The following PLP1 variants were observed in gnomAD, a reference collection of about 807,000 sequenced individuals.
PLP1 encodes proteolipid protein 1, also known as myelin proteolipid protein.
A neutral mutation model predicts 18.5 loss-of-function variants in PLP1; 2 were observed. The observed-to-expected ratio is 0.11, with a 90% CI of 0.04 to 0.34. PLP1 has a LOEUF of 0.34. Ranked by LOEUF, PLP1 falls within the 10% of genes least tolerant of loss-of-function variation. The pLI is 1.00. For synonymous variants in PLP1, 86 were observed against 83.2 expected, an observed-to-expected ratio of 1.03 and a Z score of -0.19; for missense variants, 105 against 207.3, an observed-to-expected ratio of 0.51 and a Z score of 3.03.
In PLP1 at chrX:103,789,321, A is replaced by G. The variant is rs750791586; in HGVS notation, c.697-12A>G. ...TGCAAGAAACAGTTCTTCCTCTTTC[A>G]TTTTCCTGCAGTTCCAAATGACCTT... On this transcript the variant is annotated splice_polypyrimidine_tract_variant and intron_variant, in intron 5 of 6. Coordinates refer to ENST00000621218, the MANE Select transcript of PLP1 (RefSeq NM_000533.5). The G allele has an allele frequency of 3.4e-6, 4 of 1,189,650 alleles. No individual in the cohort carries two copies. Among genetic ancestry groups the G allele is most frequent in the Non-Finnish European group, 4.6e-6 (4 of 875,255 alleles).
intron 1 of PLP1, among the ~76,000 whole-genome samples, chrX:103,782,022 T>C (rs2074458022): frequency 8.9e-6 from 1 of 112,298 alleles, no homozygotes; most frequent in Non-Finnish European, 1.9e-5. Context: ...GGGAGCCCAA[T>C]GGATCTTTTC....
intron 3 of PLP1, 162 bp from the exon 4 acceptor site, chrX:103,787,636 A>G (rs2147765675): frequency 3.9e-6 from 2 of 514,554 alleles, no homozygotes; most frequent in Non-Finnish European, 6.9e-6. Flanking sequence ...GATACTGCCA[A>G]TTACCCTTGG....
chrX:103,788,055 AT>A, intron 4 of PLP1, 89 bp downstream of exon 4: 1 of 719,424 alleles, frequency 1.4e-6, no homozygotes, highest in Non-Finnish European at 2.2e-6. Flanking sequence ...GAGGGTGGTG[AT>A]TATGAGAAAA....
chrX:103,782,675 C>T (rs969845934), intron 1 of PLP1, among the ~76,000 whole-genome samples: 6 of 112,341 alleles, frequency 5.3e-5, no homozygotes, highest in Non-Finnish European at 9.4e-5. Context: ...TTAGCCCTTC[C>T]CAGATGAAAA....
In PLP1 at chrX:103,789,203, CTTAG is replaced by C. The variant is rs754488693; in HGVS notation, c.697-125_697-122del. On this transcript the variant is annotated intron_variant, in intron 5 of 6. Coordinates refer to ENST00000621218, the MANE Select transcript of PLP1 (RefSeq NM_000533.5). ...AGGCCCACATTTAGGGAAGTGAAAA[CTTAG>C]TTAGAGATGTGGAATTAGCACACAA... The C allele has an allele frequency of 2.8e-5, 16 of 577,900 alleles. No individual in the cohort carries two copies. In the African/African-American group the frequency reaches 3.1e-4, roughly 11 times the overall value. The allele number at this position is 577,900 out of a possible 1,213,427, so 47.6% of individuals were successfully genotyped here. A position where few individuals can be genotyped will look rare whatever the true frequency, so the allele number is the denominator to read the frequency against.
chrX:103,782,960 C>T (rs748061143), intron 1 of PLP1, among the ~76,000 whole-genome samples: 29 of 112,269 alleles, frequency 2.6e-4, no homozygotes, highest in African/African-American at 9.1e-4. Flanking sequence ...TCTTCTCCCC[C>T]CATCCCCAGG....
chrX:103,787,689 GGA>G, intron 3 of PLP1, 107 bp from the exon 4 acceptor site: 1 of 664,876 alleles, frequency 1.5e-6, no homozygotes, highest in East Asian at 3.2e-5. Context: ...GGAGAGCCCT[GGA>G]ACCTGGTTTT....
chrX:103,791,287 G>C lies in PLP1; in HGVS notation c.*689G>C, dbSNP rs2074543622. Reference sequence around the variant, plus strand: ...GGAGCGTAGAATCTGTGTAGACGAAGGGGGCATCTGGCCTTACACCTCGTT... The same window carrying C: ...GGAGCGTAGAATCTGTGTAGACGAACGGGGCATCTGGCCTTACACCTCGTT... On this transcript the variant is annotated 3_prime_UTR_variant, in exon 7 of 7. Coordinates refer to ENST00000621218, the MANE Select transcript of PLP1 (RefSeq NM_000533.5). 8.9e-6 allele frequency: 1 copy of C among 112,151 alleles called. No homozygotes were observed. The highest frequency in any genetic ancestry group is 1.9e-5 in the Non-Finnish European group (1 of 53,406). The allele number at this position is 112,151 out of a possible 1,213,427, so 9.2% of individuals were successfully genotyped here.
At position 103,776,956 on chromosome X, in the gene PLP1, C is replaced by A; in HGVS notation, c.-40C>A. 1.7e-6 allele frequency: 2 copies of A among 1,193,747 alleles called. No homozygotes were observed. The highest frequency in any genetic ancestry group is 2.3e-6 in the Non-Finnish European group (2 of 879,401). ...TGAACAAAGTCAGCCACAAAGCAGA[C>A]TAGCCAGCCGGCTACAATTGGAGTC... On this transcript the variant is annotated 5_prime_UTR_variant, in exon 1 of 7. Coordinates refer to ENST00000621218, the MANE Select transcript of PLP1 (RefSeq NM_000533.5).
chrX:103,787,466 G>A lies in PLP1; in HGVS notation c.454-332G>A, dbSNP rs1482077681. The A allele has an allele frequency of 1.5e-5, 5 of 335,788 alleles. No homozygotes were observed. In the South Asian group the frequency reaches 1.6e-4, roughly 11 times the overall value. 27.7% of individuals were successfully genotyped at this position (335,788 alleles called of 1,213,427 possible). On this transcript the variant is annotated intron_variant, in intron 3 of 6. Transcript: ENST00000621218. Reference sequence around the variant, plus strand: ...GAACATGTTCTAAGCTCAGCCTAAGGCACAAAATGGCACGACTTTCTTTCA... The same window carrying A: ...GAACATGTTCTAAGCTCAGCCTAAGACACAAAATGGCACGACTTTCTTTCA...
At chrX:103,785,490 C>A in intron 1 of PLP1, 92 bp from the exon 2 acceptor site, 1 of 815,829 alleles carries the variant, frequency 1.2e-6, no homozygotes, top group Non-Finnish European at 1.8e-6. Context: ...CCACTATCTC[C>A]GAGCCTGTGA....
rs202117910 is a variant in PLP1 at position 103,787,783 on chromosome X, T to C, written c.454-15T>C. On this transcript the variant is annotated splice_polypyrimidine_tract_variant and intron_variant, in intron 3 of 6. Coordinates refer to ENST00000621218, the MANE Select transcript of PLP1 (RefSeq NM_000533.5). ...CTGATGCTGATTTCTAACCACCCCA[T>C]GTCAATCATTTTAGTTTGTGGGCAT... The C allele has an allele frequency of 6.7e-6, 8 of 1,198,572 alleles. 1 individual carries two copies. Among genetic ancestry groups the C allele is most frequent in the Admixed American group, 6.6e-5 (3 of 45,797 alleles).
chrX:103,781,232 G>T, intron 1 of PLP1: 1 of 305,142 alleles, frequency 3.3e-6, no homozygotes, highest in Non-Finnish European at 6.6e-6. Context: ...GAGGGAGGGA[G>T]GGTTGGGAGC....
At chrX:103,776,704 G>T (rs1233085385), upstream of PLP1, 6 of 316,792 alleles carry the variant, frequency 1.9e-5, no homozygotes, top group Non-Finnish European at 3.3e-5. Flanking sequence ...GCAGTGAAAG[G>T]CAGAAAGAGA....
At chrX:103,790,366 G>A in intron 6 of PLP1, among the ~76,000 whole-genome samples, 161 bp from the exon 7 acceptor site, 1 of 112,896 alleles carries the variant, frequency 8.9e-6, no homozygotes, top group East Asian at 2.8e-4. Flanking sequence ...AAGTGTATAT[G>A]GAGAAAGCCA....
chrX:103,785,373 G>A (rs1569427171), intron 1 of PLP1, among the ~76,000 whole-genome samples: 2 of 112,395 alleles, frequency 1.8e-5, no homozygotes, highest in South Asian at 3.7e-4. Flanking sequence ...CACCGTGCCC[G>A]GCCAAAGATT....
At chrX:103,786,353 C>T in intron 2 of PLP1, 112 bp from the exon 3 acceptor site, 9 of 1,053,646 alleles carry the variant, frequency 8.5e-6, no homozygotes, top group Non-Finnish European at 1.2e-5. Context: ...CTAGAAAATC[C>T]CTAGCCTTGT....
chrX:103,788,645 T>C, intron 5 of PLP1, 135 bp downstream of exon 5: 1 of 594,039 alleles, frequency 1.7e-6, no homozygotes. Flanking sequence ...CTACAACATG[T>C]TGGCTAAGTG....
At position 103,786,579 on chromosome X, in the gene PLP1, C is replaced by T. The variant is rs1315109043; in HGVS notation, c.306C>T (p.Gly102=). The T allele has an allele frequency of 1.7e-6, 2 of 1,211,473 alleles. No homozygotes were observed. Among genetic ancestry groups the T allele is most frequent in the Non-Finnish European group, 1.1e-6 (1 of 895,350 alleles). ...YTTGAVRQIF[G]DYKTTICGKG... is the part of the protein sequence containing the mutation. Reference sequence around the variant, plus strand: ...CCGGCGCAGTCAGGCAGATCTTTGGCGACTACAAGACCACCATCTGCGGCA... The same window carrying T: ...CCGGCGCAGTCAGGCAGATCTTTGGTGACTACAAGACCACCATCTGCGGCA... Residue 102 remains glycine, a synonymous_variant, in exon 3 of 7, where the codon GGC becomes GGT. Transcript: ENST00000621218.
Sources: allele counts gnomAD v4.1 joint callset (sites outside exome capture counted in the v4.1 genomes callset), GRCh38; gene constraint gnomAD v4.1.1; transcripts MANE v1.5; gene names NCBI Gene and HGNC (gene_info 2026-07-23, HGNC 2026-07-21).